The following LRRC52 variants were observed in gnomAD, a reference collection of about 807,000 sequenced individuals.
LRRC52 encodes leucine rich repeat containing 52, also known as leucine-rich repeat-containing protein 52.
Under a neutral mutation model 14.7 loss-of-function variants are expected in LRRC52, and 15 were observed. The ratio of observed to expected loss-of-function variants is 1.02; its 90% CI spans 0.68 to 1.58. LRRC52 has a LOEUF of 1.58. LRRC52 is among the 40% of genes most tolerant of loss of function. The probability of loss-of-function intolerance (pLI) is 0.00; values close to 1 mark genes in which losing one functional copy is unlikely to be tolerated. For synonymous variants in LRRC52, 180 were observed against 163.9 expected, an observed-to-expected ratio of 1.10 and a Z score of -0.75; for missense variants, 400 against 387.7, an observed-to-expected ratio of 1.03 and a Z score of -0.27.
In LRRC52 at chr1:165,544,208, T is replaced by TCCCCCCCCCCTCCCCCC; in HGVS notation, c.-84_-83insCCCCCTCCCCCCCCCCC. 1 of 448,100 alleles carries TCCCCCCCCCCTCCCCCC rather than the reference T, an allele frequency of 2.2e-6. No homozygotes were observed. The highest frequency in any genetic ancestry group is 4.2e-6 in the Non-Finnish European group (1 of 235,722). 27.8% of individuals were successfully genotyped at this position (448,100 alleles called of 1,614,324 possible). ...GTGTTACAGTTCTTTCCAGAGCCCC[T>TCCCCCCCCCCTCCCCCC]CCCCCGCCCCACCCCCCCACCGGCA... On this transcript the variant is annotated 5_prime_UTR_variant, in exon 1 of 2. Transcript: ENST00000294818.
In LRRC52 at chr1:165,544,378, A is replaced by C. The variant is rs1441392415; in HGVS notation, c.82A>C (p.Asn28His). 1 of 1,614,090 alleles carries C rather than the reference A, an allele frequency of 6.2e-7. No individual in the cohort carries two copies. The highest frequency in any genetic ancestry group is 8.5e-7 in the Non-Finnish European group (1 of 1,180,014). The change falls in exon 1 of 2, where the codon AAT becomes CAT. Residue 28 changes from asparagine (N) to histidine (H), a missense_variant. Transcript: ENST00000294818. Reference sequence around the variant, plus strand: ...GCTGGTATCAGGGTCAAAGTGTCCAAATAATTGTCTGTGTCAAGCCCAAGA... The same window carrying C: ...GCTGGTATCAGGGTCAAAGTGTCCACATAATTGTCTGTGTCAAGCCCAAGA... The part of the protein sequence containing the change: ...MGLVSGSKCP[N>H]NCLCQAQEVI...
intron 1 of LRRC52, among the ~76,000 whole-genome samples, chr1:165,558,803 G>A (rs1661288838): frequency 6.6e-6 from 1 of 152,070 alleles, no homozygotes; most frequent in Non-Finnish European, 1.5e-5. Context: ...AAAATACAAA[G>A]TTTGCTAGCT....
chr1:165,544,801 G>A lies in LRRC52; in HGVS notation c.505G>A (p.Ala169Thr). 6.2e-7 allele frequency: 1 copy of A among 1,614,032 alleles called. No homozygotes were observed. The highest frequency in any genetic ancestry group is 8.5e-7 in the Non-Finnish European group (1 of 1,179,998). ...NTGLQTLDSA[A>T]LYHLTTLETL... is the part of the protein sequence containing the mutation. ...CGGCTTGCAGACCCTGGACAGTGCT[G>A]CCTTATACCACCTCACTACTCTGGA... Residue 169 changes from alanine (A) to threonine (T), a missense_variant, in exon 1 of 2, where the codon GCC becomes ACC. Coordinates refer to ENST00000294818, the MANE Select transcript of LRRC52 (RefSeq NM_001005214.4).
intron 1 of LRRC52, among the ~76,000 whole-genome samples, chr1:165,556,997 T>C (rs999159708): frequency 6.6e-6 from 1 of 152,198 alleles, no homozygotes; most frequent in African/African-American, 2.4e-5. Flanking sequence ...GTTTTAAAAG[T>C]GCTATAGGAG....
chr1:165,556,651 AG>A (rs1339552354), intron 1 of LRRC52, among the ~76,000 whole-genome samples: 2 of 152,244 alleles, frequency 1.3e-5, no homozygotes, highest in African/African-American at 2.4e-5. Context: ...ACAAAACAGC[AG>A]GCTGGATTTG....
intron 1 of LRRC52, among the ~76,000 whole-genome samples, chr1:165,547,944 C>T (rs1343987774): frequency 6.6e-6 from 1 of 152,148 alleles, no homozygotes; most frequent in African/African-American, 2.4e-5. Flanking sequence ...GTCTCTGCTA[C>T]GTGGAAATAT....
Position 165,544,229 on chromosome 1 carries a change from C to CCCCCCCCCAA in LRRC52, c.-68_-67insCCCCCCCCAA. The CCCCCCCCCAA allele has an allele frequency of 6.1e-6, 9 of 1,476,548 alleles. No individual in the cohort carries two copies. The highest frequency in any genetic ancestry group is 2.7e-5 in the South Asian group (2 of 75,140). 91.5% of individuals were successfully genotyped at this position (1,476,548 alleles called of 1,614,324 possible). A position where few individuals can be genotyped will look rare whatever the true frequency, so the allele number is the denominator to read the frequency against. The stretch of plus-strand genomic sequence containing the variant: ...CCCCTCCCCCGCCCCACCCCCCCAC[C>CCCCCCCCCAA]GGCAGCCTTCGGATCAGAGGACAGA... On this transcript the variant is annotated 5_prime_UTR_variant, in exon 1 of 2. Transcript: ENST00000294818.
At chr1:165,563,412 A>C (rs1661388859) in intron 1 of LRRC52, 93 bp from the exon 2 acceptor site, 1 of 1,083,616 alleles carries the variant, frequency 9.2e-7, no homozygotes, top group African/African-American at 1.6e-5. Context: ...TGGAGCACTG[A>C]GGGTGCAGAT....
chr1:165,552,251 G>A (rs1661146797), intron 1 of LRRC52, among the ~76,000 whole-genome samples: 1 of 152,148 alleles, frequency 6.6e-6, no homozygotes, highest in African/African-American at 2.4e-5. Context: ...GCTCAGAAAT[G>A]CCAGATTTCT....
Position 165,556,053 on chromosome 1 carries a change from C to T in LRRC52, c.623-7452C>T, listed in dbSNP as rs115056859. Among the ~76,000 whole-genome samples the T allele has an allele frequency of 3.4e-3, 519 of 152,362 alleles. 8 individuals are homozygous for T. Among genetic ancestry groups the T allele is most frequent in the African/African-American group, 0.012 (490 of 41,584 alleles). On this transcript the variant is annotated intron_variant, in intron 1 of 1. Coordinates refer to ENST00000294818, the MANE Select transcript of LRRC52 (RefSeq NM_001005214.4). The stretch of plus-strand genomic sequence containing the variant: ...CCAAAAGGTGGTAGCAGGGGGCTAC[C>T]CCTGAGTAGGGATTAAGTCATTTGC...
chr1:165,555,917 C>T (rs576616692), intron 1 of LRRC52, among the ~76,000 whole-genome samples: 1 of 152,310 alleles, frequency 6.6e-6, no homozygotes, highest in Admixed American at 6.5e-5. Flanking sequence ...GCAGGCTCAG[C>T]TCTAGGCCAA....
intron 1 of LRRC52, among the ~76,000 whole-genome samples, chr1:165,549,785 T>C (rs1661095034): frequency 6.6e-6 from 1 of 152,148 alleles, no homozygotes; most frequent in African/African-American, 2.4e-5. Context: ...AGCCCAGTGT[T>C]TCATTCATTT....
rs575549805 is a variant in LRRC52, at chr1:165,544,132, A to C, written c.-165A>C. 4.6e-6 allele frequency: 4 copies of C among 864,322 alleles called. No homozygotes were observed. The highest frequency in any genetic ancestry group is 7.0e-6 in the Non-Finnish European group (4 of 570,818). 53.5% of individuals were successfully genotyped at this position (864,322 alleles called of 1,614,324 possible). A position where few individuals can be genotyped will look rare whatever the true frequency, so the allele number is the denominator to read the frequency against. On this transcript the variant is annotated 5_prime_UTR_variant, in exon 1 of 2. Transcript: ENST00000294818. Reference sequence around the variant, plus strand: ...GGCAGGGCATTGAGCCTCGCGTTTCAATTTCTGTTCAGTTCTCCTGTAATG... The same window carrying C: ...GGCAGGGCATTGAGCCTCGCGTTTCCATTTCTGTTCAGTTCTCCTGTAATG...
At chr1:165,545,032 ATTC>A (rs1355330052) in intron 1 of LRRC52, 114 bp downstream of exon 1, 1 of 1,335,236 alleles carries the variant, frequency 7.5e-7, no homozygotes, top group Non-Finnish European at 1.0e-6. Context: ...GATTGAATGC[ATTC>A]TTATTACTCT....
intron 1 of LRRC52, among the ~76,000 whole-genome samples, chr1:165,560,854 G>A (rs1661325426): frequency 6.6e-6 from 1 of 152,042 alleles, no homozygotes; most frequent in South Asian, 2.1e-4. Context: ...AGGGGAGAAG[G>A]GTAGCTGCTG....
Position 165,544,479 on chromosome 1 carries a change from C to A in LRRC52, c.183C>A (p.Asn61Lys), listed in dbSNP as rs150814230. The A allele has an allele frequency of 1.2e-6, 2 of 1,614,134 alleles. No individual in the cohort carries two copies. The highest frequency in any genetic ancestry group is 1.7e-6 in the Non-Finnish European group (2 of 1,180,026). Residue 61 changes from asparagine (N) to lysine (K), a missense_variant, in exon 1 of 2, where the codon AAC becomes AAA. Coordinates refer to ENST00000294818, the MANE Select transcript of LRRC52 (RefSeq NM_001005214.4). ...IPLNTRRLFL[N>K]ENRITSLPAM... is the part of the protein sequence containing the mutation. ...TGAACACCCGGAGGCTGTTCCTGAACGAGAACAGAATCACTAGTTTGCCAG... is the reference window on the plus strand; with the variant it reads ...TGAACACCCGGAGGCTGTTCCTGAAAGAGAACAGAATCACTAGTTTGCCAG...
rs1660975303 is a variant in LRRC52, at chr1:165,544,569, G to A, written c.273G>A (p.Glu91=). ...YLDCQNNRIR[E]VMDYTFIGVF... ...ACTGTCAGAACAACCGGATTCGAGAGGTGATGGATTATACCTTCATCGGGG... is the reference window on the plus strand; with the variant it reads ...ACTGTCAGAACAACCGGATTCGAGAAGTGATGGATTATACCTTCATCGGGG... The change falls in exon 1 of 2, where the codon GAG becomes GAA. Residue 91 remains glutamate (E), a synonymous_variant. Transcript: ENST00000294818. 2 of 1,614,004 alleles carry A rather than the reference G, an allele frequency of 1.2e-6. No individual in the cohort carries two copies. Among genetic ancestry groups the A allele is most frequent in the Non-Finnish European group, 8.5e-7 (1 of 1,180,000 alleles).
intron 1 of LRRC52, among the ~76,000 whole-genome samples, chr1:165,556,389 G>GA (rs1406312737): frequency 1.3e-5 from 2 of 151,796 alleles, no homozygotes; most frequent in Non-Finnish European, 2.9e-5. Context: ...TATATACAAG[G>GA]GGGGGAAATT....
rs370977810 is a variant in LRRC52, at chr1:165,559,188, A to G, written c.623-4317A>G. Among the ~76,000 whole-genome samples, 132 of 152,352 alleles carry G rather than the reference A, an allele frequency of 8.7e-4. 2 individuals carry two copies. In the South Asian group the frequency reaches 0.026, roughly 30 times the overall value. ...AGGATCACCTGAGGTCAGGAGTCCG[A>G]GACCAGCCTGGCCAACATGGTGAAA... On this transcript the variant is annotated intron_variant, in intron 1 of 1. Transcript: ENST00000294818.
Sources: gnomAD v4.1 joint callset for allele counts (sites outside exome capture counted in the v4.1 genomes callset) on GRCh38, gnomAD v4.1.1 for gene constraint, MANE v1.5 for transcripts, NCBI Gene and HGNC (gene_info 2026-07-23, HGNC 2026-07-21) for gene names.